The following TMEM232 variants were observed in gnomAD, a reference collection of about 807,000 sequenced individuals.
TMEM232 encodes transmembrane protein 232.
In TMEM232, 80 loss-of-function variants were observed where a neutral mutation model predicts 78.8. The observed-to-expected ratio is 1.01, with a 90% CI of 0.85 to 1.22. The LOEUF (loss-of-function observed/expected upper bound fraction) is 1.22, where lower values mean the gene tolerates loss of function less well. Among genes scored for constraint, TMEM232 ranks in the 50% most tolerant of loss-of-function variants. The pLI is 0.00. For missense variants in TMEM232, 881 were observed against 742.2 expected (o/e 1.19, Z -2.17); for synonymous variants, 297 against 254.3 (o/e 1.17, Z -1.60).
intron 5 of TMEM232, chr5:110,387,476 C>T (rs1484075330): frequency 2.6e-5 from 4 of 152,082 alleles, no homozygotes; most frequent in Non-Finnish European, 2.9e-5. Context: ...TTTCTGATTC[C>T]CATATGCCCA....
At chr5:110,738,874 A>T, upstream of TMEM232, 1 of 915,434 alleles carries the variant, frequency 1.1e-6, no homozygotes, top group South Asian at 1.8e-5. Context: ...CCTATTCCCT[A>T]ACGACAACAA....
intron 1 of TMEM232, among the ~76,000 whole-genome samples, chr5:110,685,201 G>A (rs987399234): frequency 6.6e-6 from 1 of 152,024 alleles, no homozygotes; most frequent in Non-Finnish European, 1.5e-5. Context: ...AAAAACTTAT[G>A]ATGTGCAAGA....
At chr5:110,483,438 T>C (rs575105725) in intron 12 of TMEM232, among the ~76,000 whole-genome samples, 264 of 152,246 alleles carry the variant, frequency 1.7e-3, no homozygotes, top group African/African-American at 5.9e-3. Context: ...AATGTAAATA[T>C]GTTCAACCAT....
intron 8 of TMEM232, among the ~76,000 whole-genome samples, chr5:110,613,836 T>C (rs2149870782): frequency 6.6e-6 from 1 of 152,228 alleles, no homozygotes; most frequent in Non-Finnish European, 1.5e-5. Flanking sequence ...TTATGGCCTC[T>C]TGAAACCTAT....
downstream of TMEM232, chr5:110,418,007 C>G (rs1349576995): frequency 6.6e-6 from 1 of 152,172 alleles, no homozygotes; most frequent in Non-Finnish European, 1.5e-5. Context: ...GGCAATGTCT[C>G]CCTGTCAAGG....
At chr5:110,676,491 C>G (rs1024752171) in intron 1 of TMEM232, among the ~76,000 whole-genome samples, 1 of 151,732 alleles carries the variant, frequency 6.6e-6, no homozygotes, top group Non-Finnish European at 1.5e-5. Context: ...CTGCAACTTC[C>G]GCCTCCTGGG....
chr5:110,598,028 T>A (rs1780400809), intron 10 of TMEM232, among the ~76,000 whole-genome samples: 9 of 152,086 alleles, frequency 5.9e-5, no homozygotes, highest in Admixed American at 4.6e-4. Flanking sequence ...CTAATTAAAC[T>A]AAAGAGCTTC....
intron 1 of TMEM232, among the ~76,000 whole-genome samples, chr5:110,718,640 T>C (rs114561811): frequency 0.012 from 1,842 of 152,098 alleles, 45 homozygotes; most frequent in African/African-American, 0.042. Flanking sequence ...AATTTTTTTT[T>C]AGTGTTTGTG....
intron 5 of TMEM232, among the ~76,000 whole-genome samples, chr5:110,631,008 T>A (rs1785052755): frequency 6.6e-6 from 1 of 152,000 alleles, no homozygotes; most frequent in African/African-American, 2.4e-5. Flanking sequence ...ACTACAGCAG[T>A]GTACCATGTG....
intron 2 of TMEM232, among the ~76,000 whole-genome samples, chr5:110,399,533 G>T (rs1755514930): frequency 1.3e-5 from 2 of 151,868 alleles, no homozygotes; most frequent in Admixed American, 1.3e-4. Flanking sequence ...CACAATAACT[G>T]CTTTATCCTT....
intron 12 of TMEM232, among the ~76,000 whole-genome samples, chr5:110,511,265 A>AG (rs1214298650): frequency 6.6e-6 from 1 of 152,006 alleles, no homozygotes; most frequent in African/African-American, 2.4e-5. Flanking sequence ...GGGCACAGGG[A>AG]GGGGAACACC....
intron 1 of TMEM232, among the ~76,000 whole-genome samples, chr5:110,702,787 C>A (rs1490725806): frequency 2.0e-5 from 3 of 151,976 alleles, no homozygotes; most frequent in African/African-American, 7.2e-5. Flanking sequence ...TCATAGAAAG[C>A]AATCCCTTAC....
At chr5:110,487,673 G>C (rs1369433189) in intron 12 of TMEM232, among the ~76,000 whole-genome samples, 1 of 151,940 alleles carries the variant, frequency 6.6e-6, no homozygotes, top group Non-Finnish European at 1.5e-5. Context: ...TGATGATGGT[G>C]GATTATCTTT....
intron 7 of TMEM232, among the ~76,000 whole-genome samples, chr5:110,624,362 G>T (rs1561406820): frequency 6.6e-6 from 1 of 151,790 alleles, no homozygotes; most frequent in Non-Finnish European, 1.5e-5. Context: ...ACTGATGATG[G>T]TGATGATGAT....
chr5:110,738,367 C>A, upstream of TMEM232: 1 of 644,022 alleles, frequency 1.6e-6, no homozygotes, highest in Non-Finnish European at 2.0e-6. Context: ...AAAAATACGA[C>A]AGAAAACTAT....
At chr5:110,586,633 T>C (rs1350408800) in intron 10 of TMEM232, among the ~76,000 whole-genome samples, 1 of 151,376 alleles carries the variant, frequency 6.6e-6, no homozygotes, top group Non-Finnish European at 1.5e-5. Flanking sequence ...TTTTTTTACA[T>C]CAAAAACATT....
intron 12 of TMEM232, among the ~76,000 whole-genome samples, chr5:110,508,917 T>C (rs1767310869): frequency 7.0e-6 from 1 of 142,000 alleles, no homozygotes; most frequent in Admixed American, 7.3e-5. Context: ...ATTATATATA[T>C]GTATATATAT....
At chr5:110,392,767 T>G (rs1481921265) in intron 3 of TMEM232, among the ~76,000 whole-genome samples, 1 of 152,186 alleles carries the variant, frequency 6.6e-6, no homozygotes, top group African/African-American at 2.4e-5. Flanking sequence ...AATATGAATT[T>G]CAAGGGACAT....
chr5:110,716,466 G>A (rs1262615232), intron 1 of TMEM232, among the ~76,000 whole-genome samples: 2 of 152,166 alleles, frequency 1.3e-5, no homozygotes, highest in African/African-American at 4.8e-5. Context: ...GGCGATGGGA[G>A]ACAGTGACAG....
Sources: gnomAD v4.1 joint callset for allele counts (sites outside exome capture counted in the v4.1 genomes callset) on GRCh38, gnomAD v4.1.1 for gene constraint, MANE v1.5 for transcripts, NCBI Gene and HGNC (gene_info 2026-07-23, HGNC 2026-07-21) for gene names.